The following OSBPL10 variants were observed in gnomAD, a reference collection of about 807,000 sequenced individuals.
OSBPL10 encodes oxysterol-binding protein-related protein 10.
Under a neutral mutation model 81.7 loss-of-function variants are expected in OSBPL10, and 49 were observed. That is an observed-to-expected ratio of 0.60 (90% CI 0.48 to 0.76). OSBPL10 has a LOEUF of 0.76. Among genes scored for constraint, OSBPL10 ranks in the 30% least tolerant of loss-of-function variants. The probability of loss-of-function intolerance (pLI) is 0.00; values close to 1 mark genes in which losing one functional copy is unlikely to be tolerated. For missense variants in OSBPL10, 923 were observed against 987.8 expected (o/e 0.93, Z 0.88); for synonymous variants, 419 against 383.6 (o/e 1.09, Z -1.08).
intron 7 of OSBPL10, among the ~76,000 whole-genome samples, 165 bp from the exon 8 acceptor site, chr3:31,684,279 C>T (rs1700736052): frequency 6.6e-6 from 1 of 152,222 alleles, no homozygotes; most frequent in Non-Finnish European, 1.5e-5. Context: ...GAAACAATAT[C>T]AAAGAAATGA....
intron 6 of OSBPL10, 88 bp downstream of exon 6, chr3:31,733,165 CAAAG>C (rs1697029395): frequency 6.5e-7 from 1 of 1,526,904 alleles, no homozygotes; most frequent in South Asian, 1.2e-5. Context: ...CCTCTTAAAA[CAAAG>C]AGATGAGCAA....
chr3:31,911,699 C>A, intron 1 of OSBPL10, among the ~76,000 whole-genome samples: 1 of 152,200 alleles, frequency 6.6e-6, no homozygotes, highest in Admixed American at 6.5e-5. Context: ...CTGTCCTGGG[C>A]CACAGGCAGA....
chr3:31,744,537 C>CAAAAAAAAAAAAAAAAAA (rs58546446), intron 5 of OSBPL10, among the ~76,000 whole-genome samples: 1 of 96,304 alleles, frequency 1.0e-5, no homozygotes, highest in Admixed American at 1.4e-4. Flanking sequence ...GACTCCGTCT[C>CAAAAAAAAAAAAAAAAAA]AAAAAAAAAA....
intron 3 of OSBPL10, among the ~76,000 whole-genome samples, chr3:31,844,598 T>A (rs1285689453): frequency 1.3e-5 from 2 of 152,040 alleles, no homozygotes; most frequent in African/African-American, 4.8e-5. Context: ...GAATAGTAAA[T>A]CCATAGAAAC....
At chr3:31,787,083 A>G (rs576419066) in intron 4 of OSBPL10, among the ~76,000 whole-genome samples, 1 of 152,360 alleles carries the variant, frequency 6.6e-6, no homozygotes, top group Admixed American at 6.5e-5. Flanking sequence ...GGCATAGAAT[A>G]AGCGGTCACG....
At chr3:32,017,508 C>CA (rs61287763) in intron 2 of OSBPL10, among the ~76,000 whole-genome samples, 159 of 142,976 alleles carry the variant, frequency 1.1e-3, no homozygotes, top group East Asian at 1.8e-3. Flanking sequence ...AGCTGAGATT[C>CA]AAAAAAAAAA....
At chr3:31,687,407 A>T (rs1700819504) in intron 7 of OSBPL10, among the ~76,000 whole-genome samples, 1 of 152,304 alleles carries the variant, frequency 6.6e-6, no homozygotes, top group Middle Eastern at 3.4e-3. Context: ...TGAAAAGGAG[A>T]AGAATTTAAG....
chr3:31,787,067 A>G (rs905759713), intron 4 of OSBPL10, among the ~76,000 whole-genome samples: 7 of 152,218 alleles, frequency 4.6e-5, no homozygotes, highest in Non-Finnish European at 8.8e-5. Context: ...ATTCTGCACA[A>G]TGCCTGGCAT....
At chr3:31,980,850 C>G in intron 1 of OSBPL10, 49 bp downstream of exon 1, 1 of 1,508,136 alleles carries the variant, frequency 6.6e-7, no homozygotes, top group Non-Finnish European at 8.8e-7. Flanking sequence ...CGCACACACA[C>G]ACACACACAC....
intron 5 of OSBPL10, among the ~76,000 whole-genome samples, chr3:31,735,159 A>G (rs893052562): frequency 6.6e-6 from 1 of 152,224 alleles, no homozygotes; most frequent in African/African-American, 2.4e-5. Context: ...AGTGGGCCAG[A>G]CACGGTGGCT....
At chr3:31,713,165 A>G (rs1696319651) in intron 6 of OSBPL10, among the ~76,000 whole-genome samples, 1 of 152,044 alleles carries the variant, frequency 6.6e-6, no homozygotes, top group Non-Finnish European at 1.5e-5. Flanking sequence ...TAAATGTCAA[A>G]GTCCTGACTG....
chr3:32,025,380 CT>C (rs1157567075), intron 2 of OSBPL10, among the ~76,000 whole-genome samples: 4 of 151,996 alleles, frequency 2.6e-5, no homozygotes, highest in African/African-American at 9.6e-5. Flanking sequence ...GTATATGATC[CT>C]TTTTTTATGT....
intron 4 of OSBPL10, among the ~76,000 whole-genome samples, chr3:31,754,863 T>TA (rs1697840180): frequency 6.6e-6 from 1 of 152,218 alleles, no homozygotes. Context: ...TGGTTCTTGA[T>TA]ATGACTGATG....
At chr3:31,762,998 A>G (rs149617632) in intron 4 of OSBPL10, among the ~76,000 whole-genome samples, 1 of 152,234 alleles carries the variant, frequency 6.6e-6, no homozygotes, top group East Asian at 1.9e-4. Context: ...CCCTAGAAGA[A>G]AGAAGACGCT....
intron 3 of OSBPL10, among the ~76,000 whole-genome samples, chr3:31,866,632 G>C (rs1179828708): frequency 6.6e-6 from 1 of 152,132 alleles, no homozygotes; most frequent in East Asian, 1.9e-4. Context: ...GGGGAGGAGA[G>C]TTAGGGTATA....
chr3:31,730,556 A>T (rs1160491844), intron 6 of OSBPL10, among the ~76,000 whole-genome samples: 1 of 152,188 alleles, frequency 6.6e-6, no homozygotes, highest in Non-Finnish European at 1.5e-5. Context: ...AACTCATTTC[A>T]TTATAGAAGA....
intron 2 of OSBPL10, among the ~76,000 whole-genome samples, chr3:32,019,261 G>C (rs1236881495): frequency 1.3e-5 from 2 of 152,178 alleles, no homozygotes; most frequent in Non-Finnish European, 2.9e-5. Flanking sequence ...TCAGCCACCA[G>C]GGGGTAATAC....
At chr3:31,781,127 GT>G (rs1410974990) in intron 4 of OSBPL10, among the ~76,000 whole-genome samples, 2 of 152,050 alleles carry the variant, frequency 1.3e-5, no homozygotes, top group Non-Finnish European at 2.9e-5. Context: ...GATCAACTGG[GT>G]TTCATACCAG....
chr3:31,961,803 C>G (rs750970827), intron 1 of OSBPL10, among the ~76,000 whole-genome samples: 1 of 151,870 alleles, frequency 6.6e-6, no homozygotes, highest in Non-Finnish European at 1.5e-5. Context: ...TAATGTACAC[C>G]AGCAGATGTT....
Sources: allele counts gnomAD v4.1 joint callset (sites outside exome capture counted in the v4.1 genomes callset), GRCh38; gene constraint gnomAD v4.1.1; transcripts MANE v1.5; gene names NCBI Gene and HGNC (gene_info 2026-07-23, HGNC 2026-07-21).